CLSTN3: variants seen among roughly 807,000 people sequenced by gnomAD.
CLSTN3 encodes calsyntenin 3.
A neutral mutation model predicts 95.9 loss-of-function variants in CLSTN3; 36 were observed. The observed-to-expected ratio is 0.38, with a 90% CI of 0.29 to 0.50. CLSTN3 has a LOEUF of 0.50. Ranked by LOEUF, CLSTN3 falls within the 20% of genes least tolerant of loss-of-function variation. CLSTN3 has a pLI of 0.95. For missense variants in CLSTN3, 1,084 were observed against 1,268.8 expected, an observed-to-expected ratio of 0.85 and a Z score of 2.21; for synonymous variants, 481 against 504.0, an observed-to-expected ratio of 0.95 and a Z score of 0.61.
chr12:7,151,178 TCTGTTCC>T, intron 16 of CLSTN3, 115 bp downstream of exon 16: 1 of 1,257,986 alleles, frequency 7.9e-7, no homozygotes, highest in Admixed American at 3.2e-5. Flanking sequence ...AGCAATGGGT[TCTGTTCC>T]CTGTGGTACC....
Position 7,148,877 on chromosome 12 carries a change from G to C in CLSTN3, c.1848-95G>C, listed in dbSNP as rs1371818804. On this transcript the variant is annotated intron_variant, in intron 12 of 17. Coordinates refer to ENST00000266546, the MANE Select transcript of CLSTN3 (RefSeq NM_014718.4). ...CCCTTCCTGACATGAGATGCTCTAT[G>C]ATAGAGGTAGCTGGGGCGGGGAGTG... is the stretch of plus-strand genomic sequence containing the variant. 2.4e-5 allele frequency: 25 copies of C among 1,025,168 alleles called. No individual in the cohort carries two copies. The East Asian group carries it at 2.6e-4, about 10-fold the overall frequency. 63.5% of individuals were successfully genotyped at this position (1,025,168 alleles called of 1,614,324 possible).
At chr12:7,152,973 G>A (rs908718304) in intron 16 of CLSTN3, among the ~76,000 whole-genome samples, 36 of 152,198 alleles carry the variant, frequency 2.4e-4, no homozygotes, top group African/African-American at 8.2e-4. Context: ...TATAATTAGG[G>A]GGAGCCCCTG....
chr12:7,132,426 C>T (rs979917259), intron 1 of CLSTN3: 21 of 204,740 alleles, frequency 1.0e-4, no homozygotes, highest in African/African-American at 4.4e-4. Flanking sequence ...TCTCTGCCCC[C>T]TCCCTCTGTC....
chr12:7,158,306 C>A lies in CLSTN3; in HGVS notation c.*225C>A. 2.0e-6 allele frequency: 1 copy of A among 487,866 alleles called. No individual in the cohort carries two copies. The highest frequency in any genetic ancestry group is 3.5e-6 in the Non-Finnish European group (1 of 282,422). 30.2% of individuals were successfully genotyped at this position (487,866 alleles called of 1,614,324 possible). ...GGGCTGTCATGCTCCTGGTGTGCCC[C>A]TTGCACTGGGGCTGGCTGGGTTGGA... On this transcript the variant is annotated 3_prime_UTR_variant, in exon 18 of 18. Transcript: ENST00000266546.
chr12:7,148,640 A>G (rs896228893), intron 12 of CLSTN3, among the ~76,000 whole-genome samples: 1 of 152,254 alleles, frequency 6.6e-6, no homozygotes, highest in Non-Finnish European at 1.5e-5. Context: ...TTGTCAGTTC[A>G]GTTTGCTTTG....
rs1484297688 is a variant in CLSTN3, at chr12:7,157,468, A to AC, written c.2528-16dup. On this transcript the variant is annotated intron_variant, in intron 16 of 17. Coordinates refer to ENST00000266546, the MANE Select transcript of CLSTN3 (RefSeq NM_014718.4). This position sits in a 1 kb window ranked among gnomAD's most constrained non-coding sequence, Gnocchi z 5.9. ...AGGTGTGCCTAGTCACGCTCTGCTCACCCCCGCGCTCTCTCTGCAGTGATA... is the reference window on the plus strand; with the variant it reads ...AGGTGTGCCTAGTCACGCTCTGCTCACCCCCCGCGCTCTCTCTGCAGTGATA... The AC allele has an allele frequency of 6.5e-7, 1 of 1,533,216 alleles. No individual in the cohort carries two copies. Among genetic ancestry groups the AC allele is most frequent in the Non-Finnish European group, 8.8e-7 (1 of 1,138,280 alleles). The allele number at this position is 1,533,216 out of a possible 1,614,324, so 95.0% of individuals were successfully genotyped here.
chr12:7,133,687 C>G lies in CLSTN3; in HGVS notation c.302C>G (p.Ala101Gly). The change falls in exon 3 of 18, where the codon GCC (alanine) becomes GGC (glycine). Residue 101 changes from alanine to glycine, a missense_variant. Ala to Gly is a moderately conservative substitution (Grantham distance 60). Coordinates refer to ENST00000266546, the MANE Select transcript of CLSTN3 (RefSeq NM_014718.4). This position sits in a 1 kb window ranked among gnomAD's most constrained non-coding sequence, Gnocchi z 4.7. ...IRAKEPVDCE[A>G]QKEHTFTIQA... The stretch of plus-strand genomic sequence containing the variant: ...GCCAAGGAGCCTGTGGACTGCGAGG[C>G]CCAGAAGGAACACACCTTCACCATC... 6.2e-7 allele frequency: 1 copy of G among 1,614,008 alleles called. No individual in the cohort carries two copies. Among genetic ancestry groups the G allele is most frequent in the Non-Finnish European group, 8.5e-7 (1 of 1,179,964 alleles).
rs1386315181 is a variant in CLSTN3, at chr12:7,149,043, C to T, written c.1919C>T (p.Ala640Val). 6.8e-6 allele frequency: 11 copies of T among 1,614,172 alleles called. No individual in the cohort carries two copies. Among genetic ancestry groups the T allele is most frequent in the South Asian group, 1.1e-5 (1 of 91,084 alleles). ...EGYVVVLQPD[A>V]PQILLSGTAH... The stretch of plus-strand genomic sequence containing the variant: ...TACGTGGTCGTCCTTCAGCCTGACG[C>T]CCCCCAGATCCTGCTGAGTGGCACT... The change falls in exon 13 of 18, where the codon GCC becomes GTC. Residue 640 changes from alanine to valine, a missense_variant. Ala to Val is a moderately conservative substitution (Grantham distance 64, BLOSUM62 0). Coordinates refer to ENST00000266546, the MANE Select transcript of CLSTN3 (RefSeq NM_014718.4). This position sits in a 1 kb window ranked among gnomAD's most constrained non-coding sequence, Gnocchi z 4.5.
At chr12:7,134,569 G>A (rs770482292) in intron 3 of CLSTN3, among the ~76,000 whole-genome samples, 24 of 152,238 alleles carry the variant, frequency 1.6e-4, no homozygotes, top group Admixed American at 3.9e-4. Context: ...TGCTTGCCCC[G>A]GTGCATGACT....
chr12:7,140,033 C>T (rs1220630888), intron 8 of CLSTN3, among the ~76,000 whole-genome samples: 1 of 152,154 alleles, frequency 6.6e-6, no homozygotes, highest in Admixed American at 6.5e-5. Context: ...ACTGTTGCAA[C>T]AGTCTTCATG....
At position 7,158,031 on chromosome 12, in the gene CLSTN3, C is replaced by G; in HGVS notation, c.2821C>G (p.Pro941Ala). 6.5e-7 allele frequency: 1 copy of G among 1,550,324 alleles called. No homozygotes were observed. Among genetic ancestry groups the G allele is most frequent in the South Asian group, 1.2e-5 (1 of 83,896 alleles). Residue 941 changes from proline to alanine, a missense_variant, in exon 18 of 18, where the codon CCC (proline) becomes GCC (alanine). Physicochemically the swap from Pro to Ala is conservative, Grantham distance 27. Transcript: ENST00000266546. The part of the protein sequence containing the change: ...DSSDSEVADS[P>A]SSDERRIIET... ...CAGTGACTCGGAGGTGGCCGATTCC[C>G]CCAGCAGCGACGAGAGACGCATCAT...
rs1286180435 is a variant in CLSTN3 at position 7,158,883 on chromosome 12, G to T, written c.*802G>T. ...TCCTGGGGCAGGGGCGGGGGGTTGG[G>T]TGTGGTGAGGGAGGGGACATATCCT... On this transcript the variant is annotated 3_prime_UTR_variant, in exon 18 of 18. Coordinates refer to ENST00000266546, the MANE Select transcript of CLSTN3 (RefSeq NM_014718.4). The T allele has an allele frequency of 3.3e-5, 5 of 149,476 alleles. No homozygotes were observed. The highest frequency in any genetic ancestry group is 1.2e-4 in the African/African-American group (5 of 40,366). 9.3% of individuals were successfully genotyped at this position (149,476 alleles called of 1,614,324 possible).
chr12:7,142,702 T>C (rs1377141427), intron 10 of CLSTN3, among the ~76,000 whole-genome samples, 167 bp from the exon 11 acceptor site: 1 of 147,858 alleles, frequency 6.8e-6, no homozygotes, highest in Admixed American at 6.7e-5. Flanking sequence ...CCCTCACCTC[T>C]CATCTCTCTT....
intron 10 of CLSTN3, 133 bp from the exon 11 acceptor site, chr12:7,142,731 TTTTTG>T: frequency 3.4e-6 from 2 of 585,046 alleles, no homozygotes; most frequent in Non-Finnish European, 2.8e-6. Flanking sequence ...TTTTTTTTTT[TTTTTG>T]GTTTCCACAT....
rs1477588372 is a variant in CLSTN3, at chr12:7,149,161, G to C, written c.2037G>C (p.Gln679His). 2 of 1,614,068 alleles carry C rather than the reference G, an allele frequency of 1.2e-6. No homozygotes were observed. Among genetic ancestry groups the C allele is most frequent in the East Asian group, 2.2e-5 (1 of 44,896 alleles). ...AAATCACCTGCTCCATTTCTCACCAGGTGGAGGCCAAAAAGGATGAGAGTT... is the reference window on the plus strand; with the variant it reads ...AAATCACCTGCTCCATTTCTCACCACGTGGAGGCCAAAAAGGATGAGAGTT... ...DLQITCSISH[Q>H]VEAKKDESWQ... Residue 679 changes from glutamine (Q) to histidine (H), a missense_variant, in exon 13 of 18, where the codon CAG (glutamine) becomes CAC (histidine). Transcript: ENST00000266546. The surrounding 1 kb of genome is among the most constrained non-coding windows in gnomAD (Gnocchi z 4.5).
intron 3 of CLSTN3, among the ~76,000 whole-genome samples, chr12:7,134,638 A>G (rs114220276): frequency 0.014 from 2,194 of 152,364 alleles, 66 homozygotes; most frequent in African/African-American, 0.05. Context: ...CAGACATGTC[A>G]GATGACTTGT....
Position 7,149,216 on chromosome 12 carries a change from G to A in CLSTN3, c.2074+18G>A, listed in dbSNP as rs761631433. On this transcript the variant is annotated intron_variant, in intron 13 of 17. Transcript: ENST00000266546. This position sits in a 1 kb window ranked among gnomAD's most constrained non-coding sequence, Gnocchi z 4.5. ...GGGCACAGGTAAGGACGACTTCGGG[G>A]AGTAACACCATCCAGAGAACCAGCC... The A allele has an allele frequency of 5.6e-6, 9 of 1,597,684 alleles. No homozygotes were observed. The highest frequency in any genetic ancestry group is 7.7e-6 in the Non-Finnish European group (9 of 1,168,038).
chr12:7,147,519 T>TTC (rs1939641113), intron 12 of CLSTN3, among the ~76,000 whole-genome samples: 1 of 24 alleles, frequency 0.042, no homozygotes, highest in African/African-American at 0.25. Context: ...TCTTTTCTTC[T>TTC]TTTTTTTTTT....
In CLSTN3 at chr12:7,149,375, G is replaced by T; in HGVS notation, c.2075-148G>T. 1 of 894,952 alleles carries T rather than the reference G, an allele frequency of 1.1e-6. No individual in the cohort carries two copies. Among genetic ancestry groups the T allele is most frequent in the Non-Finnish European group, 1.7e-6 (1 of 581,400 alleles). The allele number at this position is 894,952 out of a possible 1,614,324, so 55.4% of individuals were successfully genotyped here. On this transcript the variant is annotated intron_variant, in intron 13 of 17. Transcript: ENST00000266546. This position sits in a 1 kb window ranked among gnomAD's most constrained non-coding sequence, Gnocchi z 4.5. ...GAAAACACGTGGGTGGAAATGAATT[G>T]TTGCATAATGATATTCTTGAAAATG...
Sources: allele counts gnomAD v4.1 joint callset (sites outside exome capture counted in the v4.1 genomes callset), GRCh38; gene constraint gnomAD v4.1.1; non-coding constraint Gnocchi (gnomAD v3.1); transcripts MANE v1.5; gene names NCBI Gene and HGNC (gene_info 2026-07-23, HGNC 2026-07-21).